The following ITGA8 variants were observed in gnomAD, a reference collection of about 807,000 sequenced individuals.
ITGA8 encodes the protein integrin subunit alpha 8, also known as integrin alpha-8.
ITGA8 carries 91 observed loss-of-function variants against 142.3 expected under a neutral mutation model. That is an observed-to-expected ratio of 0.64 (90% CI 0.54 to 0.76). The LOEUF is 0.76. Ranked by LOEUF, ITGA8 falls within the 30% of genes least tolerant of loss-of-function variation. The pLI, the probability that ITGA8 is intolerant of heterozygous loss-of-function variation, is 0.00. For synonymous variants in ITGA8, 505 were observed against 485.2 expected (o/e 1.04, Z -0.54); for missense variants, 1,406 against 1,327.7 (o/e 1.06, Z -0.92).
At chr10:15,552,231 G>C (rs1163684338) in intron 26 of ITGA8, among the ~76,000 whole-genome samples, 2 of 151,966 alleles carry the variant, frequency 1.3e-5, no homozygotes, top group African/African-American at 4.8e-5. Context: ...CCGCCTCCCG[G>C]GTTCACGCCA....
intron 19 of ITGA8, 125 bp from the exon 20 acceptor site, chr10:15,604,480 A>G (rs545037375): frequency 1.4e-4 from 89 of 639,340 alleles, no homozygotes; most frequent in African/African-American, 1.3e-3. Flanking sequence ...ATGGACCATC[A>G]TGAAGAGATG....
chr10:15,665,106 G>A (rs542881293), intron 8 of ITGA8, among the ~76,000 whole-genome samples: 104 of 152,204 alleles, frequency 6.8e-4, no homozygotes, highest in African/African-American at 2.4e-3. Flanking sequence ...CTTCCACAAT[G>A]GTTGAACTAG....
Position 15,558,178 on chromosome 10 carries a change from G to C in ITGA8, c.2662C>G (p.Pro888Ala), listed in dbSNP as rs748711612. ...IKPAASPEDT[P>A]ELSAFLRNST... Reference sequence around the variant, plus strand: ...TTTCGCAAAAAGGCGCTGAGCTCAGGGGTGTCCTCTGGGGAGGCAGCAGGC... The same window carrying C: ...TTTCGCAAAAAGGCGCTGAGCTCAGCGGTGTCCTCTGGGGAGGCAGCAGGC... Residue 888 changes from proline to alanine, a missense_variant, in exon 26 of 30, where the codon CCT becomes GCT. Coordinates refer to ENST00000378076, the MANE Select transcript of ITGA8 (RefSeq NM_003638.3). 15 of 1,614,082 alleles carry C rather than the reference G, an allele frequency of 9.3e-6. No individual in the cohort carries two copies. The East Asian group carries it at 3.3e-4, about 36-fold the overall frequency.
Position 15,646,919 on chromosome 10 carries a change from A to G in ITGA8, c.1134T>C (p.Thr378=). 1 of 1,614,088 alleles carries G rather than the reference A, an allele frequency of 6.2e-7. No homozygotes were observed. The highest frequency in any genetic ancestry group is 8.5e-7 in the Non-Finnish European group (1 of 1,180,006). ...SLLFRDPQIL[T]GTETFGRFGS... ...CGAATCTCCCAAACGTCTCGGTGCCAGTGAGGATCTGGGGGTCTCTGAAGA... is the reference window on the plus strand; with the variant it reads ...CGAATCTCCCAAACGTCTCGGTGCCGGTGAGGATCTGGGGGTCTCTGAAGA... Residue 378 remains threonine (T), a synonymous_variant, in exon 12 of 30, where the codon ACT becomes ACC. Coordinates refer to ENST00000378076, the MANE Select transcript of ITGA8 (RefSeq NM_003638.3).
intron 2 of ITGA8, among the ~76,000 whole-genome samples, chr10:15,694,154 A>T (rs1235495170): frequency 6.9e-6 from 1 of 144,268 alleles, no homozygotes; most frequent in African/African-American, 2.6e-5. Context: ...ATCATATATC[A>T]GATAATATAT....
At chr10:15,682,553 G>T (rs1484159351) in intron 4 of ITGA8, among the ~76,000 whole-genome samples, 1 of 152,052 alleles carries the variant, frequency 6.6e-6, no homozygotes, top group Non-Finnish European at 1.5e-5. Flanking sequence ...CTCACTAAAA[G>T]CCATCAGGTT....
At chr10:15,526,390 G>T (rs1179552998) in intron 28 of ITGA8, among the ~76,000 whole-genome samples, 1 of 152,008 alleles carries the variant, frequency 6.6e-6, no homozygotes, top group Non-Finnish European at 1.5e-5. Flanking sequence ...TGGTCAGGCT[G>T]GTCTCAAACT....
At chr10:15,709,465 GA>G (rs975647751) in intron 2 of ITGA8, among the ~76,000 whole-genome samples, 3 of 152,150 alleles carry the variant, frequency 2.0e-5, no homozygotes, top group South Asian at 2.1e-4. Context: ...TGTTTTAAAG[GA>G]AAAAAATATT....
chr10:15,699,394 G>A (rs1835116661), intron 2 of ITGA8, among the ~76,000 whole-genome samples: 1 of 152,174 alleles, frequency 6.6e-6, no homozygotes, highest in Non-Finnish European at 1.5e-5. Flanking sequence ...TTCATGAATA[G>A]ATAGATGACT....
rs1480246775 is a variant in ITGA8, at chr10:15,684,165, G to A, written c.445-38C>T. 6.9e-6 allele frequency: 11 copies of A among 1,591,326 alleles called. 1 individual carries two copies. The highest frequency in any genetic ancestry group is 6.8e-5 in the African/African-American group (5 of 73,456). On this transcript the variant is annotated intron_variant, in intron 3 of 29. Transcript: ENST00000378076. ...AAAGACAAAAAAATACATTTTTGAT[G>A]TAGGTTTCTCATACTACAGTTTTAT...
intron 25 of ITGA8, among the ~76,000 whole-genome samples, chr10:15,560,298 A>G (rs1418068848): frequency 6.6e-6 from 1 of 152,194 alleles, no homozygotes; most frequent in Non-Finnish European, 1.5e-5. Context: ...ATAAAAAGAA[A>G]AAAAGAACAA....
chr10:15,659,598 T>G (rs878950180), intron 9 of ITGA8, among the ~76,000 whole-genome samples: 1 of 152,234 alleles, frequency 6.6e-6, no homozygotes, highest in Non-Finnish European at 1.5e-5. Context: ...AATAATGGGT[T>G]TGAATAGTAG....
At chr10:15,529,029 C>T (rs1201959574) in intron 28 of ITGA8, among the ~76,000 whole-genome samples, 1 of 148,544 alleles carries the variant, frequency 6.7e-6, no homozygotes, top group Non-Finnish European at 1.5e-5. Flanking sequence ...CCCTGTCTCC[C>T]TCCCTTCCTT....
chr10:15,709,994 CT>C (rs1407154554), intron 2 of ITGA8, among the ~76,000 whole-genome samples: 1 of 152,154 alleles, frequency 6.6e-6, no homozygotes, highest in African/African-American at 2.4e-5. Flanking sequence ...TAATCCAGAG[CT>C]TTAATTCTGA....
chr10:15,660,431 G>A (rs375405589), intron 9 of ITGA8, among the ~76,000 whole-genome samples: 7 of 152,128 alleles, frequency 4.6e-5, no homozygotes, highest in African/African-American at 1.7e-4. Context: ...AGCATGAATC[G>A]GGAGGAAGAA....
chr10:15,599,294 A>G (rs1833061511), intron 20 of ITGA8, among the ~76,000 whole-genome samples: 1 of 151,938 alleles, frequency 6.6e-6, no homozygotes, highest in African/African-American at 2.4e-5. Flanking sequence ...TTTCCTCTGC[A>G]GTTTCTGGGA....
Position 15,545,940 on chromosome 10 carries a change from A to G in ITGA8, c.2880+2515T>C, listed in dbSNP as rs537582610. On this transcript the variant is annotated intron_variant, in intron 27 of 29. Transcript: ENST00000378076. Reference sequence around the variant, plus strand: ...CTAAAATCAGGCTCCCATCCATGGTATGTAATTCCTGTAATTTCTGTCTCA... The same window carrying G: ...CTAAAATCAGGCTCCCATCCATGGTGTGTAATTCCTGTAATTTCTGTCTCA... Among the ~76,000 whole-genome samples the G allele has an allele frequency of 7.9e-5, 12 of 152,244 alleles. No individual in the cohort carries two copies. The South Asian group carries it at 2.1e-3, about 26-fold the overall frequency.
At chr10:15,638,009 C>A (rs375736751) in intron 13 of ITGA8, among the ~76,000 whole-genome samples, 1 of 152,054 alleles carries the variant, frequency 6.6e-6, no homozygotes, top group Non-Finnish European at 1.5e-5. Context: ...TATGCAGTGG[C>A]TGGCATGCTT....
intron 23 of ITGA8, among the ~76,000 whole-genome samples, chr10:15,579,214 GCA>G (rs1388800159): frequency 6.6e-6 from 1 of 152,070 alleles, no homozygotes; most frequent in African/African-American, 2.4e-5. Flanking sequence ...AAGGATTTTA[GCA>G]CAGTCTTAGA....
Sources: allele counts gnomAD v4.1 joint callset (sites outside exome capture counted in the v4.1 genomes callset), GRCh38; gene constraint gnomAD v4.1.1; transcripts MANE v1.5; gene names NCBI Gene and HGNC (gene_info 2026-07-23, HGNC 2026-07-21).